GLTP: variants seen among roughly 807,000 people sequenced by gnomAD.
GLTP encodes the protein glycolipid transfer protein.
A neutral mutation model predicts 24.0 loss-of-function variants in GLTP; 22 were observed. The observed-to-expected ratio is 0.92, with a 90% CI of 0.65 to 1.31. GLTP has a LOEUF of 1.31. Among genes scored for constraint, GLTP ranks in the 50% most tolerant of loss-of-function variants. The pLI is 0.00. For synonymous variants in GLTP, 92 were observed against 115.9 expected, an observed-to-expected ratio of 0.79 and a Z score of 1.33; for missense variants, 224 against 276.6, an observed-to-expected ratio of 0.81 and a Z score of 1.35.
rs755066428 is a variant in GLTP at position 109,858,683 on chromosome 12, C to G, written c.162G>C (p.Thr54=). 30 of 1,611,574 alleles carry G rather than the reference C, an allele frequency of 1.9e-5. No homozygotes were observed. The highest frequency in any genetic ancestry group is 3.3e-5 in the South Asian group (3 of 91,012). ...TGTGGCTGCCCGGCCAGGTACATAC[C>G]GTGATGTTGCCGCTTATGTCTGCCT... ...PIKADISGNI[T]KIKAVYDTNP... is the part of the protein sequence containing the mutation. The change falls in exon 2 of 5, where the codon ACG becomes ACC. Residue 54 remains threonine (T), a splice_region_variant and synonymous_variant. Coordinates refer to ENST00000318348, the MANE Select transcript of GLTP (RefSeq NM_016433.4).
Position 109,869,468 on chromosome 12 carries a change from T to G in GLTP, c.104-10727A>C, listed in dbSNP as rs927405455. 2.7e-5 allele frequency among the ~76,000 whole-genome samples: 4 copies of G among 145,860 alleles called. No homozygotes were observed. In the East Asian group the frequency reaches 7.9e-4, roughly 29 times the overall value. Reference sequence around the variant, plus strand: ...AGTTGGGAAAATTCTTTTTTTTTTTTTTTTTTGAGACGGAGTCTCACTCTG... The same window carrying G: ...AGTTGGGAAAATTCTTTTTTTTTTTGTTTTTTGAGACGGAGTCTCACTCTG... On this transcript the variant is annotated intron_variant, in intron 1 of 4. Coordinates refer to ENST00000318348, the MANE Select transcript of GLTP (RefSeq NM_016433.4).
In GLTP at chr12:109,855,494, G is replaced by C; in HGVS notation, c.447+125C>G. ...TAGCCTCACCCAAATAGATGAGGGA[G>C]CCCTTCCTGAGCCCGAGGGGGTAAA... is the stretch of plus-strand genomic sequence containing the variant. On this transcript the variant is annotated intron_variant, in intron 4 of 4. Transcript: ENST00000318348. The surrounding 1 kb of genome is among the most constrained non-coding windows in gnomAD (Gnocchi z 4.1). 2 of 783,000 alleles carry C rather than the reference G, an allele frequency of 2.6e-6. No individual in the cohort carries two copies. The highest frequency in any genetic ancestry group is 4.4e-5 in the South Asian group (2 of 45,974). 48.5% of individuals were successfully genotyped at this position (783,000 alleles called of 1,614,324 possible). A position where few individuals can be genotyped will look rare whatever the true frequency, so the allele number is the denominator to read the frequency against.
At position 109,855,739 on chromosome 12, in the gene GLTP, C is replaced by G. The variant is rs1357188652; in HGVS notation, c.327G>C (p.Gln109His). 6.2e-7 allele frequency: 1 copy of G among 1,607,254 alleles called. No individual in the cohort carries two copies. Among genetic ancestry groups the G allele is most frequent in the Non-Finnish European group, 8.5e-7 (1 of 1,176,790 alleles). The change falls in exon 4 of 5, where the codon CAG becomes CAC. Residue 109 changes from glutamine to histidine, a missense_variant. Transcript: ENST00000318348. This position sits in a 1 kb window ranked among gnomAD's most constrained non-coding sequence, Gnocchi z 4.1. ...RGLRFIQVFL[Q>H]SICDGERDEN... is the part of the protein sequence containing the mutation. ...CGTCCCGCTCCCCGTCGCAGATGCT[C>G]TGGAGGAAGACCTGGATGAAGCGGA...
chr12:109,875,581 A>C (rs1868856386), intron 1 of GLTP, among the ~76,000 whole-genome samples: 1 of 152,042 alleles, frequency 6.6e-6, no homozygotes, highest in South Asian at 2.1e-4. Flanking sequence ...GAGAAAGGAG[A>C]CCTCCCAGAA....
chr12:109,856,622 C>T (rs1464014480), intron 3 of GLTP, among the ~76,000 whole-genome samples: 2 of 152,146 alleles, frequency 1.3e-5, no homozygotes, highest in Non-Finnish European at 2.9e-5. Context: ...TGCTCTGCTC[C>T]CTCCCTGCAG....
At chr12:109,856,630 C>T (rs2136042947) in intron 3 of GLTP, among the ~76,000 whole-genome samples, 1 of 152,258 alleles carries the variant, frequency 6.6e-6, no homozygotes, top group Non-Finnish European at 1.5e-5. Context: ...TCCCTCCCTG[C>T]AGTGGGGTGG....
At chr12:109,879,190 G>C (rs1168638144) in intron 1 of GLTP, among the ~76,000 whole-genome samples, 1 of 152,164 alleles carries the variant, frequency 6.6e-6, no homozygotes, top group African/African-American at 2.4e-5. Context: ...AAGTCGGACT[G>C]TCTTAAGATC....
intron 1 of GLTP, among the ~76,000 whole-genome samples, chr12:109,870,151 C>T (rs1340554870): frequency 3.3e-5 from 5 of 151,990 alleles, no homozygotes; most frequent in Non-Finnish European, 5.9e-5. Context: ...GTTTCTGGTA[C>T]CTAGTAAGTG....
chr12:109,873,528 G>T (rs998220887), intron 1 of GLTP, among the ~76,000 whole-genome samples: 4 of 151,872 alleles, frequency 2.6e-5, no homozygotes, highest in African/African-American at 9.7e-5. Context: ...CAGCTACTGG[G>T]GAGGCTGAGC....
chr12:109,865,999 A>G (rs962003745), intron 1 of GLTP, among the ~76,000 whole-genome samples: 1 of 152,290 alleles, frequency 6.6e-6, no homozygotes, highest in Admixed American at 6.5e-5. Context: ...CACCAACCAA[A>G]GCCAAACAAC....
chr12:109,873,310 C>T (rs1195379811), intron 1 of GLTP, among the ~76,000 whole-genome samples: 3 of 152,196 alleles, frequency 2.0e-5, no homozygotes, highest in Admixed American at 1.3e-4. Flanking sequence ...GGGCTGGTTC[C>T]CAGTTAGCCT....
At chr12:109,872,677 T>C (rs1868761542) in intron 1 of GLTP, among the ~76,000 whole-genome samples, 1 of 152,190 alleles carries the variant, frequency 6.6e-6, no homozygotes, top group Admixed American at 6.5e-5. Context: ...TGCAAATGCA[T>C]CTCCGAAGTC....
intron 1 of GLTP, among the ~76,000 whole-genome samples, chr12:109,875,115 A>C (rs887916054): frequency 3.3e-5 from 5 of 152,164 alleles, no homozygotes; most frequent in African/African-American, 1.2e-4. Flanking sequence ...ATCTTCAACA[A>C]GAACCCAGAA....
At chr12:109,858,824 G>T in intron 1 of GLTP, 83 bp from the exon 2 acceptor site, 1 of 908,340 alleles carries the variant, frequency 1.1e-6, no homozygotes, top group South Asian at 1.3e-5. Context: ...GGACATGGAA[G>T]GGTGGATTAC....
chr12:109,875,381 G>T (rs1868852110), intron 1 of GLTP, among the ~76,000 whole-genome samples: 1 of 152,146 alleles, frequency 6.6e-6, no homozygotes, highest in Admixed American at 6.6e-5. Context: ...GCAAGAGTAT[G>T]ACAATACTGC....
intron 4 of GLTP, among the ~76,000 whole-genome samples, chr12:109,853,667 G>A (rs1390574098): frequency 3.4e-5 from 5 of 148,482 alleles, no homozygotes; most frequent in Non-Finnish European, 7.4e-5. Flanking sequence ...CAGCCTGGGT[G>A]ACAGAGCGAG....
chr12:109,863,619 ATCCAAC>A (rs1868430470), intron 1 of GLTP, among the ~76,000 whole-genome samples: 1 of 152,212 alleles, frequency 6.6e-6, no homozygotes, highest in Non-Finnish European at 1.5e-5. Flanking sequence ...TTAAACACCT[ATCCAAC>A]CCAGATGACA....
intron 1 of GLTP, among the ~76,000 whole-genome samples, chr12:109,864,481 G>A (rs1468750774): frequency 6.6e-6 from 1 of 152,194 alleles, no homozygotes; most frequent in Non-Finnish European, 1.5e-5. Context: ...CTACAGCCCA[G>A]AGGTGCTATG....
chr12:109,876,651 A>T (rs1425225011), intron 1 of GLTP, among the ~76,000 whole-genome samples: 1 of 149,240 alleles, frequency 6.7e-6, no homozygotes, highest in Non-Finnish European at 1.5e-5. Flanking sequence ...AAAGAAGGAA[A>T]GGAAGGAAAG....
Sources: gnomAD v4.1 joint callset for allele counts (sites outside exome capture counted in the v4.1 genomes callset) on GRCh38, gnomAD v4.1.1 for gene constraint, Gnocchi (gnomAD v3.1) non-coding constraint, MANE v1.5 for transcripts, NCBI Gene and HGNC (gene_info 2026-07-23, HGNC 2026-07-21) for gene names.